GALNT9: variants seen among roughly 807,000 people sequenced by gnomAD.
GALNT9 encodes the protein polypeptide N-acetylgalactosaminyltransferase 9.
GALNT9 carries 47 observed loss-of-function variants against 63.1 expected under a neutral mutation model. That is an observed-to-expected ratio of 0.75 (90% CI 0.59 to 0.95). The LOEUF (loss-of-function observed/expected upper bound fraction) is 0.95, where lower values mean the gene tolerates loss of function less well. GALNT9 is among the 40% of genes least tolerant of loss of function. The pLI, the probability that GALNT9 is intolerant of heterozygous loss-of-function variation, is 0.00. For missense variants in GALNT9, 829 were observed against 874.8 expected (o/e 0.95, Z 0.66); for synonymous variants, 396 against 365.7 (o/e 1.08, Z -0.94).
chr12:132,240,384 G>C (rs908250727), intron 6 of GALNT9: 1 of 351,998 alleles, frequency 2.8e-6, no homozygotes, highest in Non-Finnish European at 5.6e-6. Context: ...TGGCCAGGTG[G>C]CTGGTGAAAG....
chr12:132,262,685 T>C (rs1879446954), intron 2 of GALNT9, 60 bp from the exon 3 acceptor site: 2 of 1,435,740 alleles, frequency 1.4e-6, no homozygotes, highest in African/African-American at 1.5e-5. Context: ...CCGGAAGCCA[T>C]AGCTCATCTG....
At chr12:132,295,173 C>T (rs539822273) in intron 1 of GALNT9, among the ~76,000 whole-genome samples, 112 of 152,288 alleles carry the variant, frequency 7.4e-4, no homozygotes, top group Non-Finnish European at 1.3e-3. Context: ...GGGAAGCCAG[C>T]GGGGCCTTCA....
At position 132,276,893 on chromosome 12, in the gene GALNT9, A is replaced by AAC. The variant is rs372752511; in HGVS notation, c.419+9355_419+9356dup. Among the ~76,000 whole-genome samples the AAC allele has an allele frequency of 2.0e-5, 3 of 152,070 alleles. No homozygotes were observed. In the South Asian group the frequency reaches 6.2e-4, roughly 32 times the overall value. ...GGATGGAATCACCTGTTGGTGCCAG[A>AAC]ACACACACACACATGCACACATGTC... On this transcript the variant is annotated intron_variant, in intron 2 of 10. Coordinates refer to ENST00000328957, the MANE Select transcript of GALNT9 (RefSeq NM_001122636.2).
At chr12:132,250,448 C>T (rs1878869750) in intron 5 of GALNT9, among the ~76,000 whole-genome samples, 1 of 152,194 alleles carries the variant, frequency 6.6e-6, no homozygotes. Context: ...ATGAGTTTCA[C>T]CAATGGCCCA....
Position 132,196,839 on chromosome 12 carries a change from C to T in GALNT9, c.*268G>A, listed in dbSNP as rs774410554. The T allele has an allele frequency of 8.9e-5, 113 of 1,276,420 alleles. No homozygotes were observed. Among genetic ancestry groups the T allele is most frequent in the African/African-American group, 2.1e-4 (14 of 65,496 alleles). The allele number at this position is 1,276,420 out of a possible 1,614,324, so 79.1% of individuals were successfully genotyped here. ...TCCCAGCAGCCTGGCCAGGAGATAC[C>T]GTGGAGAAGGCACGTGTTTGAGTTG... On this transcript the variant is annotated 3_prime_UTR_variant, in exon 11 of 11. Coordinates refer to ENST00000328957, the MANE Select transcript of GALNT9 (RefSeq NM_001122636.2).
rs1353027900 is a variant in GALNT9 at position 132,310,423 on chromosome 12, C to T, written c.238+18543G>A. The stretch of plus-strand genomic sequence containing the variant: ...CCACGTGAGGTCAGGCTGCCTCCCA[C>T]CCAACAGCCCCACCCAGAAGGACGG... On this transcript the variant is annotated intron_variant, in intron 1 of 10. Coordinates refer to ENST00000328957, the MANE Select transcript of GALNT9 (RefSeq NM_001122636.2). The surrounding 1 kb of genome is among the most constrained non-coding windows in gnomAD (Gnocchi z 4.8). 6.6e-6 allele frequency among the ~76,000 whole-genome samples: 1 copy of T among 152,220 alleles called. No homozygotes were observed. Among genetic ancestry groups the T allele is most frequent in the East Asian group, 1.9e-4 (1 of 5,194 alleles).
intron 2 of GALNT9, among the ~76,000 whole-genome samples, chr12:132,263,161 G>A (rs1046888613): frequency 5.9e-5 from 9 of 152,164 alleles, no homozygotes; most frequent in South Asian, 4.1e-4. Flanking sequence ...CCAGCCACCC[G>A]CACAGGCAGC....
chr12:132,243,756 G>A (rs2136905906), intron 6 of GALNT9, among the ~76,000 whole-genome samples: 21 of 152,210 alleles, frequency 1.4e-4, no homozygotes, highest in South Asian at 2.1e-4. Context: ...ACCACGCACC[G>A]GCTGGCATTC....
At chr12:132,227,057 A>G (rs1470308300) in intron 6 of GALNT9, among the ~76,000 whole-genome samples, 1 of 151,756 alleles carries the variant, frequency 6.6e-6, no homozygotes, top group Non-Finnish European at 1.5e-5. Context: ...CACACAACCC[A>G]TAGCTTTTTC....
At chr12:132,309,640 C>G (rs1244203992) in intron 1 of GALNT9, among the ~76,000 whole-genome samples, 5 of 152,316 alleles carry the variant, frequency 3.3e-5, no homozygotes, top group Non-Finnish European at 7.4e-5. Flanking sequence ...CCCAGTGTCC[C>G]CTGAGCAGGA....
chr12:132,285,316 T>G (rs1253161796), intron 2 of GALNT9, among the ~76,000 whole-genome samples: 3 of 152,256 alleles, frequency 2.0e-5, no homozygotes, highest in Non-Finnish European at 4.4e-5. Context: ...TGTCGCGGGC[T>G]GGGCTCTGCG....
chr12:132,299,885 C>T (rs920635793), intron 1 of GALNT9, among the ~76,000 whole-genome samples: 4 of 142,714 alleles, frequency 2.8e-5, no homozygotes, highest in Admixed American at 7.2e-5. Context: ...CCATAACTAA[C>T]CCACTCCCAC....
intron 1 of GALNT9, among the ~76,000 whole-genome samples, chr12:132,313,324 T>C (rs2135585232): frequency 7.8e-6 from 1 of 127,622 alleles, no homozygotes; most frequent in African/African-American, 3.0e-5. Flanking sequence ...CACCAATCCA[T>C]CCACCCATCC....
chr12:132,304,544 A>C (rs1234229211), intron 1 of GALNT9, among the ~76,000 whole-genome samples: 12 of 7,210 alleles, frequency 1.7e-3, no homozygotes, highest in South Asian at 8.2e-3. Flanking sequence ...CGGGCACAGA[A>C]TCGCCCAGAC....
intron 6 of GALNT9, among the ~76,000 whole-genome samples, chr12:132,235,268 G>C (rs1428479927): frequency 6.6e-6 from 1 of 152,208 alleles, no homozygotes; most frequent in African/African-American, 2.4e-5. Flanking sequence ...GGACAGTGCT[G>C]GAGGAGTGAG....
chr12:132,298,085 A>G lies in GALNT9; in HGVS notation c.239-11655T>C, dbSNP rs1021590508. Among the ~76,000 whole-genome samples the G allele has an allele frequency of 2.6e-5, 4 of 152,092 alleles. No homozygotes were observed. The South Asian group carries it at 8.3e-4, about 32-fold the overall frequency. On this transcript the variant is annotated intron_variant, in intron 1 of 10. Coordinates refer to ENST00000328957, the MANE Select transcript of GALNT9 (RefSeq NM_001122636.2). ...AACCAACTCACTCCCACAATAACCA[A>G]CTAACTCCTGAGATAACCAAGTCAT...
intron 4 of GALNT9, among the ~76,000 whole-genome samples, chr12:132,260,723 C>T (rs899030065): frequency 6.6e-6 from 1 of 152,232 alleles, no homozygotes; most frequent in Non-Finnish European, 1.5e-5. Flanking sequence ...GCTGGGCCTG[C>T]CCTCCCGTGG....
chr12:132,203,969 C>T (rs1383124591), intron 6 of GALNT9, among the ~76,000 whole-genome samples: 1 of 152,054 alleles, frequency 6.6e-6, no homozygotes, highest in African/African-American at 2.4e-5. Context: ...TTCTACCGAC[C>T]CCAACACTTA....
At chr12:132,203,407 C>T in intron 7 of GALNT9, 98 bp downstream of exon 7, 1 of 1,103,940 alleles carries the variant, frequency 9.1e-7, no homozygotes, top group Non-Finnish European at 1.3e-6. Flanking sequence ...CTCACACCTG[C>T]AGGGGGCCCT....
Sources: gnomAD v4.1 joint callset for allele counts (sites outside exome capture counted in the v4.1 genomes callset) on GRCh38, gnomAD v4.1.1 for gene constraint, Gnocchi (gnomAD v3.1) non-coding constraint, MANE v1.5 for transcripts, NCBI Gene and HGNC (gene_info 2026-07-23, HGNC 2026-07-21) for gene names.